SLIT1: variants seen among roughly 807,000 people sequenced by gnomAD.
SLIT1 encodes the protein slit guidance ligand 1.
In SLIT1, 66 loss-of-function variants were observed where a neutral mutation model predicts 186.1. The observed-to-expected ratio is 0.35, with a 90% CI of 0.29 to 0.44. SLIT1 has a LOEUF of 0.44. Among genes scored for constraint, SLIT1 ranks in the 20% least tolerant of loss-of-function variants. The pLI, the probability that SLIT1 is intolerant of heterozygous loss-of-function variation, is 1.00. For synonymous variants in SLIT1, 761 were observed against 833.8 expected, an observed-to-expected ratio of 0.91 and a Z score of 1.50; for missense variants, 1,638 against 2,037.4, an observed-to-expected ratio of 0.80 and a Z score of 3.77.
At position 97,010,331 on chromosome 10, in the gene SLIT1, G is replaced by A. The variant is rs554745190; in HGVS notation, c.3341+662C>T. On this transcript the variant is annotated intron_variant, in intron 31 of 36. Transcript: ENST00000266058. This position sits in a 1 kb window ranked among gnomAD's most constrained non-coding sequence, Gnocchi z 4.8. ...CAAAGGACAACAGACTGTACGATTCGACTTATAGGAAATCCCCAGAACAGG... is the reference window on the plus strand; with the variant it reads ...CAAAGGACAACAGACTGTACGATTCAACTTATAGGAAATCCCCAGAACAGG... 3.9e-5 allele frequency among the ~76,000 whole-genome samples: 6 copies of A among 152,328 alleles called. No homozygotes were observed. In the East Asian group the frequency reaches 5.8e-4, roughly 15 times the overall value.
Position 97,063,564 on chromosome 10 carries a change from C to A in SLIT1, c.684G>T (p.Gln228His), listed in dbSNP as rs755336595. 6.2e-6 allele frequency: 10 copies of A among 1,613,284 alleles called. No individual in the cohort carries two copies. Among genetic ancestry groups the A allele is most frequent in the Non-Finnish European group, 8.5e-6 (10 of 1,179,874 alleles). The change falls in exon 8 of 37, where the codon CAG becomes CAT. Residue 228 changes from glutamine (Q) to histidine (H), a missense_variant. By Grantham distance (24) the Gln-to-His change is conservative (BLOSUM62 0). Transcript: ENST00000266058. ...CGATGGTTGGCCGCTGCCTCAGCCA[C>A]TGCGAGAGCCAGGCCAGGTGGCAGT... ...FCDCHLAWLSQWLRQRPTIGL... is the reference protein window; with the variant it reads ...FCDCHLAWLSHWLRQRPTIGL...
intron 25 of SLIT1, among the ~76,000 whole-genome samples, chr10:97,030,394 T>C (rs1334488753): frequency 1.3e-5 from 2 of 152,192 alleles, no homozygotes; most frequent in East Asian, 3.8e-4. Context: ...GCTGTGCAGC[T>C]TTGGGCAAGC....
chr10:97,048,894 GGTGGGCAGGTGGGCA>G, intron 14 of SLIT1, 46 bp downstream of exon 14: 2 of 1,519,792 alleles, frequency 1.3e-6, no homozygotes, highest in Non-Finnish European at 1.8e-6. Flanking sequence ...CAAGTAGGCC[GGTGGGCAGGTGGGCA>G]GGCAGGTAGG....
intron 3 of SLIT1, among the ~76,000 whole-genome samples, chr10:97,160,877 T>C (rs902220792): frequency 2.0e-5 from 3 of 152,140 alleles, no homozygotes; most frequent in African/African-American, 7.2e-5. Context: ...CGTACCACTG[T>C]GCCTGGCTAA....
At chr10:97,102,766 G>C (rs1009683776) in intron 4 of SLIT1, 1 of 152,230 alleles carries the variant, frequency 6.6e-6, no homozygotes, top group African/African-American at 2.4e-5. Context: ...AGTGTCCAGG[G>C]AGCACAAGGC....
At chr10:97,143,666 G>GA (rs1257048332) in intron 4 of SLIT1, among the ~76,000 whole-genome samples, 1 of 152,034 alleles carries the variant, frequency 6.6e-6, no homozygotes, top group Non-Finnish European at 1.5e-5. Context: ...CCTAGAACTG[G>GA]AAAAAAAGGA....
chr10:97,030,586 T>A (rs1334688219), intron 25 of SLIT1, among the ~76,000 whole-genome samples, 171 bp downstream of exon 25: 1 of 152,230 alleles, frequency 6.6e-6, no homozygotes, highest in Admixed American at 6.5e-5. Context: ...TTGCTGTGGC[T>A]GATGAACCAC....
rs1848302843 is a variant in SLIT1 at position 97,001,079 on chromosome 10, T to C, written c.*33A>G. On this transcript the variant is annotated 3_prime_UTR_variant, in exon 37 of 37. Coordinates refer to ENST00000266058, the MANE Select transcript of SLIT1 (RefSeq NM_003061.3). The stretch of plus-strand genomic sequence containing the variant: ...CGCTGCTGCAGCGGCTGGGGCCCCT[T>C]GCCCGCCCTCACCGGCCTGTCCACG... 6.3e-7 allele frequency: 1 copy of C among 1,585,896 alleles called. No homozygotes were observed. Among genetic ancestry groups the C allele is most frequent in the Non-Finnish European group, 8.6e-7 (1 of 1,158,240 alleles).
In SLIT1 at chr10:97,068,404, C is replaced by T. The variant is rs1266894351; in HGVS notation, c.414-2318G>A. Among the ~76,000 whole-genome samples, 1 of 152,160 alleles carries T rather than the reference C, an allele frequency of 6.6e-6. No homozygotes were observed. Among genetic ancestry groups the T allele is most frequent in the African/African-American group, 2.4e-5 (1 of 41,424 alleles). Reference sequence around the variant, plus strand: ...CCCGTCCCCACAGAGTGGGCACCAACATCTATGTGCTCCCTCCCCCAAACC... The same window carrying T: ...CCCGTCCCCACAGAGTGGGCACCAATATCTATGTGCTCCCTCCCCCAAACC... On this transcript the variant is annotated intron_variant, in intron 4 of 36. Transcript: ENST00000266058. The surrounding 1 kb of genome is among the most constrained non-coding windows in gnomAD (Gnocchi z 4.2).
At chr10:97,180,769 G>T (rs530008942) in intron 1 of SLIT1, among the ~76,000 whole-genome samples, 1 of 152,298 alleles carries the variant, frequency 6.6e-6, no homozygotes, top group Non-Finnish European at 1.5e-5. Flanking sequence ...GACAGACTGC[G>T]CTCTAAGCAG....
intron 4 of SLIT1, among the ~76,000 whole-genome samples, chr10:97,136,748 T>A (rs1280137361): frequency 6.6e-6 from 1 of 152,234 alleles, no homozygotes; most frequent in Non-Finnish European, 1.5e-5. Context: ...TTTGAAGGCA[T>A]ACTGTCGGTG....
chr10:97,095,501 C>T (rs1242436160), intron 4 of SLIT1, among the ~76,000 whole-genome samples: 1 of 152,104 alleles, frequency 6.6e-6, no homozygotes, highest in Non-Finnish European at 1.5e-5. Flanking sequence ...CTGGGACAAG[C>T]GGGGAGAAGC....
intron 4 of SLIT1, among the ~76,000 whole-genome samples, chr10:97,114,851 GTT>G (rs942118466): frequency 1.3e-5 from 2 of 152,176 alleles, no homozygotes; most frequent in Admixed American, 1.3e-4. Flanking sequence ...CTGAATTTCA[GTT>G]TTCTCCTCTA....
intron 1 of SLIT1, among the ~76,000 whole-genome samples, chr10:97,183,823 G>A (rs1486016522): frequency 6.6e-6 from 1 of 152,110 alleles, no homozygotes; most frequent in Non-Finnish European, 1.5e-5. Context: ...AAGGGGAGCA[G>A]GGAGCAGGTA....
At position 97,004,195 on chromosome 10, in the gene SLIT1, G is replaced by A. The variant is rs963114593; in HGVS notation, c.3738C>T (p.Phe1246=). The A allele has an allele frequency of 6.2e-7, 1 of 1,611,506 alleles. No homozygotes were observed. The highest frequency in any genetic ancestry group is 8.5e-7 in the Non-Finnish European group (1 of 1,177,852). The change falls in exon 34 of 37, where the codon TTC becomes TTT. Residue 1246 remains phenylalanine (F), a synonymous_variant. Transcript: ENST00000266058. This position sits in a 1 kb window ranked among gnomAD's most constrained non-coding sequence, Gnocchi z 5.1. ...CAAAGGCAACCAGCTCAACGGTGTG[G>A]AATTGCCCATCGTTGATCGTCTCAG... ...YSAETINDGQ[F]HTVELVAFDQ...
intron 25 of SLIT1, among the ~76,000 whole-genome samples, chr10:97,026,035 CA>C (rs1848542249): frequency 6.6e-6 from 1 of 151,312 alleles, no homozygotes; most frequent in African/African-American, 2.5e-5. Flanking sequence ...AAAGGAAATT[CA>C]AAAAGAAAAG....
At chr10:97,159,127 A>G (rs1370426991) in intron 3 of SLIT1, among the ~76,000 whole-genome samples, 3 of 152,254 alleles carry the variant, frequency 2.0e-5, no homozygotes, top group Non-Finnish European at 4.4e-5. Context: ...GGACAACTGT[A>G]TGATAAACCA....
At chr10:97,080,144 C>T (rs1219476142) in intron 4 of SLIT1, among the ~76,000 whole-genome samples, 1 of 152,218 alleles carries the variant, frequency 6.6e-6, no homozygotes. Context: ...GGGCTTCTCA[C>T]AGCCTAGGGG....
At chr10:97,107,107 C>A (rs1156600853) in intron 4 of SLIT1, among the ~76,000 whole-genome samples, 1 of 152,186 alleles carries the variant, frequency 6.6e-6, no homozygotes, top group African/African-American at 2.4e-5. Flanking sequence ...AGGGCACAGG[C>A]CCAAAGCCAG....
Sources: gnomAD v4.1 joint callset for allele counts (sites outside exome capture counted in the v4.1 genomes callset) on GRCh38, gnomAD v4.1.1 for gene constraint, Gnocchi (gnomAD v3.1) non-coding constraint, MANE v1.5 for transcripts, NCBI Gene and HGNC (gene_info 2026-07-23, HGNC 2026-07-21) for gene names.